Variants in UGGT2 observed in about 807,000 individuals in gnomAD.
UGGT2 encodes the protein UDP-glucose:glycoprotein glucosyltransferase 2.
In UGGT2, 180 loss-of-function variants were observed where a neutral mutation model predicts 192.1. The ratio of observed to expected loss-of-function variants is 0.94; its 90% CI spans 0.83 to 1.06. UGGT2 has a LOEUF of 1.06. Ranked by LOEUF, UGGT2 falls within the 50% of genes least tolerant of loss-of-function variation. The probability of loss-of-function intolerance (pLI) is 0.00; values close to 1 mark genes in which losing one functional copy is unlikely to be tolerated. For synonymous variants in UGGT2, 580 were observed against 591.0 expected, an observed-to-expected ratio of 0.98 and a Z score of 0.27; for missense variants, 1,849 against 1,795.7, an observed-to-expected ratio of 1.03 and a Z score of -0.54.
At chr13:95,960,174 C>T (rs904264352) in intron 12 of UGGT2, among the ~76,000 whole-genome samples, 2 of 152,138 alleles carry the variant, frequency 1.3e-5, no homozygotes, top group Non-Finnish European at 2.9e-5. Context: ...GCACAGATGT[C>T]AACGTAAGGA....
chr13:96,033,804 A>G (rs1426349086), intron 1 of UGGT2, among the ~76,000 whole-genome samples: 1 of 152,148 alleles, frequency 6.6e-6, no homozygotes. Context: ...CATGGAAGGG[A>G]GGCCAAGAGG....
Position 96,048,172 on chromosome 13 carries a change from T to G in UGGT2, c.158+4983A>C, listed in dbSNP as rs931566840. Among the ~76,000 whole-genome samples, 57 of 152,146 alleles carry G rather than the reference T, an allele frequency of 3.7e-4. 2 individuals are homozygous for G. Among genetic ancestry groups the G allele is most frequent in the Non-Finnish European group, 1.5e-5 (1 of 68,022 alleles). On this transcript the variant is annotated intron_variant, in intron 1 of 38. Transcript: ENST00000376747. ...CAGCAATCAAACTAGAACTCAAGAT[T>G]AAGAAATTCACTCATAACCACTCAA...
chr13:95,801,729 T>C lies in UGGT2; in HGVS notation c.*61A>G. 1 of 1,587,538 alleles carries C rather than the reference T, an allele frequency of 6.3e-7. No individual in the cohort carries two copies. The highest frequency in any genetic ancestry group is 8.6e-7 in the Non-Finnish European group (1 of 1,163,024). On this transcript the variant is annotated 3_prime_UTR_variant, in exon 39 of 39. Transcript: ENST00000376747. The stretch of plus-strand genomic sequence containing the variant: ...AATCGTCTCAGCAGGGGCTCCAGAC[T>C]TCCCCAGCAGGCGGCAGGTTTCCTG...
At chr13:95,928,422 C>A (rs924003447) in intron 17 of UGGT2, among the ~76,000 whole-genome samples, 1 of 151,640 alleles carries the variant, frequency 6.6e-6, no homozygotes, top group Non-Finnish European at 1.5e-5. Context: ...GGCGGAGGGG[C>A]TCCTCACTTC....
intron 20 of UGGT2, among the ~76,000 whole-genome samples, chr13:95,905,895 G>A (rs1052842539): frequency 2.0e-5 from 3 of 151,978 alleles, no homozygotes; most frequent in Admixed American, 1.3e-4. Flanking sequence ...TGTGTATGAC[G>A]TGAAAAGGGG....
chr13:95,995,001 A>T (rs948213903), intron 7 of UGGT2, among the ~76,000 whole-genome samples: 1 of 152,056 alleles, frequency 6.6e-6, no homozygotes, highest in Non-Finnish European at 1.5e-5. Flanking sequence ...TAGTTATCCC[A>T]GGGATACCAC....
intron 25 of UGGT2, among the ~76,000 whole-genome samples, chr13:95,889,373 T>A (rs1164347715): frequency 6.6e-6 from 1 of 152,160 alleles, no homozygotes; most frequent in African/African-American, 2.4e-5. Flanking sequence ...CCAAAATTAT[T>A]TGTCTCCACT....
At chr13:95,926,136 A>G (rs2049008140) in intron 19 of UGGT2, among the ~76,000 whole-genome samples, 1 of 152,098 alleles carries the variant, frequency 6.6e-6, no homozygotes. Flanking sequence ...TCCCAAATAT[A>G]TGTAAAACCG....
At chr13:95,986,510 G>A (rs1443261815) in intron 8 of UGGT2, 78 bp from the exon 9 acceptor site, 17 of 1,037,742 alleles carry the variant, frequency 1.6e-5, no homozygotes, top group African/African-American at 3.2e-5. Context: ...TGAAATACTT[G>A]ACTCAATTCT....
At chr13:95,896,379 AC>A (rs2047945868) in intron 22 of UGGT2, among the ~76,000 whole-genome samples, 1 of 152,108 alleles carries the variant, frequency 6.6e-6, no homozygotes, top group South Asian at 2.1e-4. Flanking sequence ...TCTTAAAAAC[AC>A]AAAAATGGGC....
At chr13:96,044,860 T>C (rs928571709) in intron 1 of UGGT2, among the ~76,000 whole-genome samples, 1 of 151,988 alleles carries the variant, frequency 6.6e-6, no homozygotes, top group Non-Finnish European at 1.5e-5. Flanking sequence ...TAATAAAAAA[T>C]TGTCAACATA....
At chr13:95,953,867 T>C (rs1016898114) in intron 12 of UGGT2, among the ~76,000 whole-genome samples, 2 of 152,166 alleles carry the variant, frequency 1.3e-5, no homozygotes, top group African/African-American at 4.8e-5. Context: ...CCAGAGGCCA[T>C]GTGCTGATTA....
At chr13:96,013,788 G>T (rs1232557017) in intron 4 of UGGT2, among the ~76,000 whole-genome samples, 1 of 151,958 alleles carries the variant, frequency 6.6e-6, no homozygotes, top group African/African-American at 2.4e-5. Flanking sequence ...ATGCAGTTAG[G>T]TTATAATTTT....
At chr13:95,983,584 T>G (rs746782325) in intron 10 of UGGT2, 1 of 620,026 alleles carries the variant, frequency 1.6e-6, no homozygotes. Context: ...TCGGAAGAAA[T>G]TCTGGAATAT....
chr13:96,043,487 T>C (rs916020239), intron 1 of UGGT2, among the ~76,000 whole-genome samples: 4 of 151,858 alleles, frequency 2.6e-5, no homozygotes, highest in African/African-American at 9.7e-5. Flanking sequence ...AGGCAACAAA[T>C]AGCACAATGA....
Position 95,833,246 on chromosome 13 carries a change from A to G in UGGT2, c.4402-193T>C, listed in dbSNP as rs769537791. Among the ~76,000 whole-genome samples, 101 of 152,314 alleles carry G rather than the reference A, an allele frequency of 6.6e-4. 2 individuals are homozygous for G. The highest frequency in any genetic ancestry group is 2.9e-4 in the Non-Finnish European group (20 of 68,008). On this transcript the variant is annotated intron_variant, in intron 37 of 38. Transcript: ENST00000376747. ...TGTATGTAATAATTGCTTAATACAA[A>G]TACCTCAATCAGAAATTTAAATAAA...
chr13:96,017,236 G>T (rs2052366930), intron 4 of UGGT2, among the ~76,000 whole-genome samples: 1 of 152,206 alleles, frequency 6.6e-6, no homozygotes, highest in Admixed American at 6.5e-5. Context: ...ACATGGGGAA[G>T]AAATGACTGT....
intron 10 of UGGT2, among the ~76,000 whole-genome samples, chr13:95,976,834 A>G (rs1224730735): frequency 6.6e-6 from 1 of 152,146 alleles, no homozygotes; most frequent in African/African-American, 2.4e-5. Flanking sequence ...ACCGCATGGT[A>G]CTGGTACCAA....
chr13:95,970,675 T>C (rs2140781015), intron 11 of UGGT2, among the ~76,000 whole-genome samples: 1 of 152,306 alleles, frequency 6.6e-6, no homozygotes, highest in Admixed American at 6.5e-5. Context: ...CATTAAATCA[T>C]GAAGTTCACG....
Sources: gnomAD v4.1 joint callset for allele counts (sites outside exome capture counted in the v4.1 genomes callset) on GRCh38, gnomAD v4.1.1 for gene constraint, MANE v1.5 for transcripts, NCBI Gene and HGNC (gene_info 2026-07-23, HGNC 2026-07-21) for gene names.